MSI2: variants seen among roughly 807,000 people sequenced by gnomAD.
The protein encoded by MSI2 is musashi RNA binding protein 2, also known as RNA-binding protein Musashi homolog 2.
A neutral mutation model predicts 45.6 loss-of-function variants in MSI2; 17 were observed. The observed-to-expected ratio is 0.37, with a 90% CI of 0.26 to 0.56. The LOEUF (loss-of-function observed/expected upper bound fraction) is 0.56. MSI2 is among the 20% of genes least tolerant of loss of function. The pLI, the probability that MSI2 is intolerant of heterozygous loss-of-function variation, is 0.77. For missense variants in MSI2, 293 were observed against 444.2 expected (o/e 0.66, Z 3.06); for synonymous variants, 156 against 158.2 (o/e 0.99, Z 0.11).
rs192175760 is a variant in MSI2 at position 57,289,752 on chromosome 17, C to T, written c.312+27560C>T. Among the ~76,000 whole-genome samples the T allele has an allele frequency of 4.2e-4, 64 of 152,368 alleles. No individual in the cohort carries two copies. In the Middle Eastern group the frequency reaches 0.01, roughly 24 times the overall value. On this transcript the variant is annotated intron_variant, in intron 5 of 13. Coordinates refer to ENST00000284073, the MANE Select transcript of MSI2 (RefSeq NM_138962.4). ...CGTGAAACACTCAGTGATGCTACTT[C>T]GGCTTCCAGTGATTTGGCTTCCCTC...
At chr17:57,395,466 G>T (rs1273630317) in intron 5 of MSI2, among the ~76,000 whole-genome samples, 1 of 152,198 alleles carries the variant, frequency 6.6e-6, no homozygotes, top group African/African-American at 2.4e-5. Context: ...AGTTATGGTA[G>T]TGATGAAGGT....
At chr17:57,333,794 A>G (rs534508228) in intron 5 of MSI2, among the ~76,000 whole-genome samples, 285 of 138,314 alleles carry the variant, frequency 2.1e-3, no homozygotes, top group Middle Eastern at 3.7e-3. Flanking sequence ...TAAGAAAGGG[A>G]AAAAAAAAAC....
At chr17:57,331,189 C>T (rs1914239713) in intron 5 of MSI2, among the ~76,000 whole-genome samples, 1 of 152,156 alleles carries the variant, frequency 6.6e-6, no homozygotes, top group African/African-American at 2.4e-5. Context: ...GCTGGGATTA[C>T]AGGCGTGAGC....
rs148211153 is a variant in MSI2, at chr17:57,578,910, T to C, written c.455-17958T>C. ...TTCAGCCCAGGTACATTTTTCCCAT[T>C]GTAAACAGAAAATGGCATGGGAGGG... On this transcript the variant is annotated intron_variant, in intron 7 of 13. Coordinates refer to ENST00000284073, the MANE Select transcript of MSI2 (RefSeq NM_138962.4). 5.3e-4 allele frequency among the ~76,000 whole-genome samples: 80 copies of C among 152,198 alleles called. 2 individuals are homozygous for C. The highest frequency in any genetic ancestry group is 3.4e-3 in the Middle Eastern group (1 of 294).
At chr17:57,429,554 A>G (rs915887098) in intron 6 of MSI2, among the ~76,000 whole-genome samples, 1 of 152,134 alleles carries the variant, frequency 6.6e-6, no homozygotes, top group Non-Finnish European at 1.5e-5. Flanking sequence ...TTTGCAGCGC[A>G]TTGAAGGTTG....
intron 5 of MSI2, among the ~76,000 whole-genome samples, chr17:57,309,541 G>T (rs1302645171): frequency 6.6e-6 from 1 of 152,218 alleles, no homozygotes; most frequent in African/African-American, 2.4e-5. Flanking sequence ...CTTTGTATGT[G>T]TTAAACATAT....
At chr17:57,512,394 T>C (rs769594303) in intron 6 of MSI2, among the ~76,000 whole-genome samples, 8 of 152,212 alleles carry the variant, frequency 5.3e-5, no homozygotes, top group Middle Eastern at 3.2e-3. Flanking sequence ...TGTTAGGGCA[T>C]TAAGTGGGCT....
intron 5 of MSI2, among the ~76,000 whole-genome samples, chr17:57,325,496 A>G (rs775478561): frequency 1.3e-5 from 2 of 152,216 alleles, no homozygotes; most frequent in African/African-American, 2.4e-5. Flanking sequence ...GAGTCTAAAA[A>G]AGGGACGTGT....
intron 6 of MSI2, among the ~76,000 whole-genome samples, chr17:57,505,238 C>A (rs530111418): frequency 6.6e-6 from 1 of 152,150 alleles, no homozygotes; most frequent in Non-Finnish European, 1.5e-5. Context: ...GGCAATGGCT[C>A]TTCTTGCCAC....
chr17:57,294,031 G>A (rs1377398308), intron 5 of MSI2, among the ~76,000 whole-genome samples: 2 of 151,890 alleles, frequency 1.3e-5, no homozygotes, highest in East Asian at 3.9e-4. Context: ...CACCTTGTGT[G>A]CATCTCTGTG....
chr17:57,610,116 C>T (rs111800655), intron 8 of MSI2, among the ~76,000 whole-genome samples: 4 of 151,906 alleles, frequency 2.6e-5, no homozygotes, highest in African/African-American at 4.8e-5. Context: ...TAAGAAAATG[C>T]CCTCATGTTT....
chr17:57,525,948 C>T (rs1176331215), intron 6 of MSI2, among the ~76,000 whole-genome samples: 2 of 152,136 alleles, frequency 1.3e-5, no homozygotes, highest in Admixed American at 6.5e-5. Context: ...TGTTCCTGGC[C>T]GGGCACAGTG....
chr17:57,390,328 G>A (rs2083766724), intron 5 of MSI2, among the ~76,000 whole-genome samples: 1 of 152,170 alleles, frequency 6.6e-6, no homozygotes, highest in East Asian at 1.9e-4. Flanking sequence ...GCTTCTTACA[G>A]AGCCCTGGCT....
chr17:57,528,998 G>A (rs1202341383), intron 6 of MSI2, among the ~76,000 whole-genome samples: 1 of 152,156 alleles, frequency 6.6e-6, no homozygotes, highest in African/African-American at 2.4e-5. Flanking sequence ...AATATGCATC[G>A]GTCAAGATAG....
intron 6 of MSI2, among the ~76,000 whole-genome samples, chr17:57,510,188 C>T (rs1268602651): frequency 2.0e-5 from 3 of 151,994 alleles, no homozygotes; most frequent in African/African-American, 7.3e-5. Flanking sequence ...GCTGGGTTTT[C>T]TGCAGGCCTC....
At chr17:57,272,310 T>A (rs1159550996) in intron 5 of MSI2, among the ~76,000 whole-genome samples, 2 of 152,234 alleles carry the variant, frequency 1.3e-5, no homozygotes, top group Non-Finnish European at 2.9e-5. Flanking sequence ...CGGCATTTTG[T>A]TTTTACTTTC....
intron 6 of MSI2, among the ~76,000 whole-genome samples, chr17:57,405,487 G>A (rs1432971837): frequency 6.6e-6 from 1 of 152,126 alleles, no homozygotes; most frequent in Non-Finnish European, 1.5e-5. Context: ...TTAATAGGAT[G>A]GATAGATTAT....
chr17:57,421,338 A>G (rs1046280002), intron 6 of MSI2, among the ~76,000 whole-genome samples: 2 of 152,198 alleles, frequency 1.3e-5, no homozygotes, highest in Admixed American at 1.3e-4. Context: ...AGCTGTAGAT[A>G]GTTACAGCTT....
At chr17:57,587,529 C>A (rs1255554560) in intron 7 of MSI2, among the ~76,000 whole-genome samples, 2 of 152,006 alleles carry the variant, frequency 1.3e-5, no homozygotes, top group Non-Finnish European at 2.9e-5. Context: ...TCCTCACACA[C>A]CTGAGATCAC....
Sources: gnomAD v4.1 joint callset for allele counts (sites outside exome capture counted in the v4.1 genomes callset) on GRCh38, gnomAD v4.1.1 for gene constraint, MANE v1.5 for transcripts, NCBI Gene and HGNC (gene_info 2026-07-23, HGNC 2026-07-21) for gene names.